Variants in IGSF21 observed in about 807,000 individuals in gnomAD.
The protein encoded by IGSF21 is immunoglobulin superfamily member 21.
Under a neutral mutation model 46.8 loss-of-function variants are expected in IGSF21, and 28 were observed. The ratio of observed to expected loss-of-function variants is 0.60; its 90% CI spans 0.44 to 0.82. IGSF21 has a LOEUF of 0.82. Among genes scored for constraint, IGSF21 ranks in the 40% least tolerant of loss-of-function variants. The pLI is 0.00. For missense variants in IGSF21, 624 were observed against 665.5 expected, an observed-to-expected ratio of 0.94 and a Z score of 0.69; for synonymous variants, 284 against 273.6, an observed-to-expected ratio of 1.04 and a Z score of -0.38.
At chr1:18,372,511 TGGAA>T (rs1433282378) in intron 6 of IGSF21, among the ~76,000 whole-genome samples, 2 of 134,822 alleles carry the variant, frequency 1.5e-5, no homozygotes, top group African/African-American at 2.7e-5. Flanking sequence ...CTTGGATGGA[TGGAA>T]GGATGGATGG....
At chr1:18,181,132 C>T (rs1369713087) in intron 1 of IGSF21, among the ~76,000 whole-genome samples, 1 of 152,226 alleles carries the variant, frequency 6.6e-6, no homozygotes, top group Non-Finnish European at 1.5e-5. Context: ...TCCCCTCCTC[C>T]TAGTCCCCGG....
intron 1 of IGSF21, among the ~76,000 whole-genome samples, chr1:18,134,300 C>T (rs913942806): frequency 6.6e-6 from 1 of 152,148 alleles, no homozygotes; most frequent in Non-Finnish European, 1.5e-5. Context: ...TTTTCCCCTT[C>T]TGTAAGGGGG....
chr1:18,192,655 T>C (rs1213532816), intron 1 of IGSF21, among the ~76,000 whole-genome samples: 1 of 152,052 alleles, frequency 6.6e-6, no homozygotes, highest in African/African-American at 2.4e-5. Context: ...TGCTGAGGGC[T>C]GGAGAGCAGT....
At chr1:18,211,231 C>T (rs1048075088) in intron 1 of IGSF21, among the ~76,000 whole-genome samples, 5 of 152,180 alleles carry the variant, frequency 3.3e-5, no homozygotes, top group Admixed American at 6.5e-5. Flanking sequence ...CTGGGCCAGT[C>T]GGGCTGTTGC....
At chr1:18,259,755 AG>A (rs1206928517) in intron 2 of IGSF21, among the ~76,000 whole-genome samples, 1 of 152,170 alleles carries the variant, frequency 6.6e-6, no homozygotes, top group East Asian at 1.9e-4. Flanking sequence ...CAGTGGGTGG[AG>A]AGAACTTGGA....
intron 1 of IGSF21, among the ~76,000 whole-genome samples, chr1:18,151,732 T>C (rs779680934): frequency 8.6e-5 from 13 of 151,912 alleles, no homozygotes; most frequent in African/African-American, 2.7e-4. Context: ...TGCAGGGGGC[T>C]GTGGGGGGCG....
intron 3 of IGSF21, among the ~76,000 whole-genome samples, chr1:18,300,865 G>A (rs903392037): frequency 7.9e-5 from 12 of 152,066 alleles, no homozygotes; most frequent in Non-Finnish European, 8.8e-5. Context: ...GCAACGCTCC[G>A]CTCAGACTGC....
intron 8 of IGSF21, 110 bp from the exon 9 acceptor site, chr1:18,377,283 T>G: frequency 5.9e-6 from 6 of 1,015,028 alleles, no homozygotes; most frequent in Admixed American, 1.7e-5. Flanking sequence ...GTGGCTGCAC[T>G]GAGACAGTGC....
At chr1:18,369,647 C>T (rs186062506) in intron 6 of IGSF21, among the ~76,000 whole-genome samples, 46 of 152,314 alleles carry the variant, frequency 3.0e-4, no homozygotes, top group Non-Finnish European at 5.1e-4. Flanking sequence ...GACAGTGGGA[C>T]GGATTAGATG....
chr1:18,149,240 C>T (rs1275407238), intron 1 of IGSF21, among the ~76,000 whole-genome samples: 7 of 152,154 alleles, frequency 4.6e-5, no homozygotes, highest in Non-Finnish European at 8.8e-5. Flanking sequence ...GTGTGTGTGG[C>T]CATGGTGGGT....
intron 2 of IGSF21, among the ~76,000 whole-genome samples, chr1:18,287,507 G>A (rs2085226598): frequency 6.6e-6 from 1 of 152,194 alleles, no homozygotes; most frequent in Non-Finnish European, 1.5e-5. Context: ...TCAAAAGTCT[G>A]TTGAATATGG....
intron 1 of IGSF21, among the ~76,000 whole-genome samples, chr1:18,126,937 G>A (rs1252368215): frequency 6.6e-6 from 1 of 152,096 alleles, no homozygotes; most frequent in Non-Finnish European, 1.5e-5. Context: ...AATTTGGAAT[G>A]ATAATCCTGC....
At chr1:18,272,963 C>T (rs1002116885) in intron 2 of IGSF21, among the ~76,000 whole-genome samples, 21 of 150,702 alleles carry the variant, frequency 1.4e-4, no homozygotes, top group Non-Finnish European at 2.1e-4. Context: ...GAGCTGGTGT[C>T]TTTCCCCGTT....
chr1:18,113,254 G>A (rs533428517), intron 1 of IGSF21: 1 of 152,260 alleles, frequency 6.6e-6, no homozygotes, highest in South Asian at 2.1e-4. Context: ...AAATTCCAGG[G>A]AAGATTGGGG....
chr1:18,169,538 T>C (rs887293792), intron 1 of IGSF21, among the ~76,000 whole-genome samples: 3 of 152,182 alleles, frequency 2.0e-5, no homozygotes, highest in African/African-American at 7.2e-5. Flanking sequence ...GGAAATCACA[T>C]ACCCTGGCTG....
intron 2 of IGSF21, among the ~76,000 whole-genome samples, chr1:18,231,627 T>A (rs899974635): frequency 6.6e-6 from 1 of 152,222 alleles, no homozygotes; most frequent in Non-Finnish European, 1.5e-5. Flanking sequence ...AAATTAATTT[T>A]AAAATTCATT....
intron 1 of IGSF21, among the ~76,000 whole-genome samples, chr1:18,191,566 G>C (rs952779109): frequency 2.6e-5 from 4 of 152,094 alleles, no homozygotes; most frequent in Admixed American, 2.6e-4. Flanking sequence ...CTGCTGGGCA[G>C]GGGATACACG....
At chr1:18,157,320 C>T (rs2086577569) in intron 1 of IGSF21, among the ~76,000 whole-genome samples, 1 of 152,170 alleles carries the variant, frequency 6.6e-6, no homozygotes, top group Admixed American at 6.5e-5. Flanking sequence ...GCCATGGTGG[C>T]TCACCTGCCT....
intron 2 of IGSF21, among the ~76,000 whole-genome samples, chr1:18,249,928 C>T (rs2084821634): frequency 6.6e-6 from 1 of 152,138 alleles, no homozygotes; most frequent in Non-Finnish European, 1.5e-5. Flanking sequence ...GACTCTGCTG[C>T]CGGCTCTGCC....
Sources: gnomAD v4.1 joint callset for allele counts (sites outside exome capture counted in the v4.1 genomes callset) on GRCh38, gnomAD v4.1.1 for gene constraint, MANE v1.5 for transcripts, NCBI Gene and HGNC (gene_info 2026-07-23, HGNC 2026-07-21) for gene names.